GCNT2: variants seen among roughly 807,000 people sequenced by gnomAD.
The protein encoded by GCNT2 is N-acetyllactosaminide beta-1,6-N-acetylglucosaminyl-transferase.
A neutral mutation model predicts 34.2 loss-of-function variants in GCNT2; 34 were observed. That is an observed-to-expected ratio of 1.00 (90% CI 0.76 to 1.32). The LOEUF (loss-of-function observed/expected upper bound fraction) is 1.32. GCNT2 is among the 40% of genes most tolerant of loss of function. The probability of loss-of-function intolerance (pLI) is 0.00; values close to 1 mark genes in which losing one functional copy is unlikely to be tolerated. For synonymous variants in GCNT2, 212 were observed against 188.0 expected, an observed-to-expected ratio of 1.13 and a Z score of -1.04; for missense variants, 584 against 489.4, an observed-to-expected ratio of 1.19 and a Z score of -1.82.
intron 3 of GCNT2, chr6:10,556,669 C>A: frequency 6.2e-7 from 1 of 1,614,188 alleles, no homozygotes; most frequent in Non-Finnish European, 8.5e-7. Context: ...GCCACTACAT[C>A]ACAGCCCCTT....
chr6:10,617,369 CGCAGCCCTG>C (rs1765824192), intron 3 of GCNT2, among the ~76,000 whole-genome samples: 1 of 152,214 alleles, frequency 6.6e-6, no homozygotes, highest in African/African-American at 2.4e-5. Flanking sequence ...AAGCGCTGCG[CGCAGCCCTG>C]GTTCCCGCCG....
chr6:10,551,633 C>T (rs986064505), intron 3 of GCNT2, among the ~76,000 whole-genome samples: 2 of 151,930 alleles, frequency 1.3e-5, no homozygotes, highest in African/African-American at 4.8e-5. Flanking sequence ...TTAGTAGAGA[C>T]AGGGTTTCAC....
At chr6:10,539,126 G>C (rs1467171298) in intron 3 of GCNT2, among the ~76,000 whole-genome samples, 1 of 148,290 alleles carries the variant, frequency 6.7e-6, no homozygotes, top group Non-Finnish European at 1.5e-5. Flanking sequence ...TCACTGGTGG[G>C]GTTTAGAAAC....
chr6:10,534,037 A>G (rs2113539005), intron 3 of GCNT2, among the ~76,000 whole-genome samples: 1 of 150,710 alleles, frequency 6.6e-6, no homozygotes, highest in East Asian at 2.0e-4. Flanking sequence ...TTTATTTGAA[A>G]TTCTTGCCTG....
At chr6:10,615,154 G>A (rs1765707645) in intron 3 of GCNT2, among the ~76,000 whole-genome samples, 2 of 152,044 alleles carry the variant, frequency 1.3e-5, no homozygotes, top group Non-Finnish European at 2.9e-5. Flanking sequence ...GTCAAGGAGG[G>A]GAGGAAAAAA....
At chr6:10,602,490 A>G (rs1765129437) in intron 3 of GCNT2, among the ~76,000 whole-genome samples, 1 of 152,234 alleles carries the variant, frequency 6.6e-6, no homozygotes, top group Admixed American at 6.5e-5. Context: ...TGTAAACAGA[A>G]CTGCCCTGCT....
At chr6:10,544,392 C>T (rs1192508059) in intron 3 of GCNT2, among the ~76,000 whole-genome samples, 1 of 151,742 alleles carries the variant, frequency 6.6e-6, no homozygotes, top group Non-Finnish European at 1.5e-5. Context: ...ATCACGAGGT[C>T]AGGAGTTCAA....
chr6:10,626,412 T>C lies in GCNT2; in HGVS notation c.1019-5T>C, dbSNP rs998864497. On this transcript the variant is annotated splice_polypyrimidine_tract_variant and splice_region_variant and intron_variant, in intron 4 of 4. Transcript: ENST00000495262. ...TGACTCTGTTTCTTGTTCTTTCTTT[T>C]GCAGGCCACTATGTACATGGTATTT... is the stretch of plus-strand genomic sequence containing the variant. The C allele has an allele frequency of 1.9e-6, 3 of 1,606,772 alleles. No homozygotes were observed. Among genetic ancestry groups the C allele is most frequent in the Non-Finnish European group, 1.7e-6 (2 of 1,173,276 alleles).
chr6:10,524,559 G>T (rs1761098163), intron 1 of GCNT2, among the ~76,000 whole-genome samples: 1 of 152,174 alleles, frequency 6.6e-6, no homozygotes, highest in South Asian at 2.1e-4. Flanking sequence ...AAAAGAAATA[G>T]TGATGAGGAT....
At chr6:10,626,031 A>C (rs1032376260) in intron 4 of GCNT2, among the ~76,000 whole-genome samples, 2 of 152,212 alleles carry the variant, frequency 1.3e-5, no homozygotes, top group Non-Finnish European at 2.9e-5. Context: ...GACTTCGGGT[A>C]GCTGAAACCT....
intron 3 of GCNT2, among the ~76,000 whole-genome samples, chr6:10,590,798 C>T (rs9379527): frequency 0.37 from 56,255 of 152,020 alleles, 12,365 homozygotes; most frequent in East Asian, 0.62. Flanking sequence ...ATGATCTGCC[C>T]GCCTCGGCCT....
intron 3 of GCNT2, among the ~76,000 whole-genome samples, chr6:10,577,490 A>C (rs1457733365): frequency 6.6e-6 from 1 of 152,160 alleles, no homozygotes; most frequent in East Asian, 1.9e-4. Flanking sequence ...GGCCAAGTTA[A>C]GGGGCTCGAA....
chr6:10,602,461 G>C (rs550856950), intron 3 of GCNT2, among the ~76,000 whole-genome samples: 1 of 152,316 alleles, frequency 6.6e-6, no homozygotes, highest in African/African-American at 2.4e-5. Flanking sequence ...CCAGGCCTAG[G>C]TTATTTGTAG....
At chr6:10,522,694 A>G (rs1760977317) in intron 1 of GCNT2, among the ~76,000 whole-genome samples, 1 of 152,216 alleles carries the variant, frequency 6.6e-6, no homozygotes, top group Admixed American at 6.5e-5. Context: ...TTGTGGAAGT[A>G]TTCTACCTAT....
intron 3 of GCNT2, among the ~76,000 whole-genome samples, chr6:10,570,214 C>T (rs994267943): frequency 6.6e-6 from 1 of 152,188 alleles, no homozygotes; most frequent in Non-Finnish European, 1.5e-5. Context: ...GGATTACAGG[C>T]ATTAGCCACG....
At chr6:10,538,635 C>T (rs1290679146) in intron 3 of GCNT2, among the ~76,000 whole-genome samples, 1 of 150,998 alleles carries the variant, frequency 6.6e-6, no homozygotes, top group Non-Finnish European at 1.5e-5. Context: ...ATGATTTTGA[C>T]TTTTTTTTGA....
intron 3 of GCNT2, among the ~76,000 whole-genome samples, chr6:10,618,502 C>T (rs937833345): frequency 7.9e-5 from 12 of 152,294 alleles, no homozygotes; most frequent in Admixed American, 7.8e-4. Flanking sequence ...ATGTCTTGTG[C>T]TTTCAAAAAT....
chr6:10,616,445 C>G (rs1185411923), intron 3 of GCNT2, among the ~76,000 whole-genome samples: 1 of 152,198 alleles, frequency 6.6e-6, no homozygotes, highest in Non-Finnish European at 1.5e-5. Flanking sequence ...CTGGCCCCAC[C>G]CACATCCTGC....
intron 3 of GCNT2, among the ~76,000 whole-genome samples, chr6:10,536,636 G>A (rs961634231): frequency 6.6e-6 from 1 of 151,474 alleles, no homozygotes; most frequent in Non-Finnish European, 1.5e-5. Context: ...TTATAGGCGT[G>A]AGCTACCGTG....
Sources: allele counts gnomAD v4.1 joint callset (sites outside exome capture counted in the v4.1 genomes callset), GRCh38; gene constraint gnomAD v4.1.1; transcripts MANE v1.5; gene names NCBI Gene and HGNC (gene_info 2026-07-23, HGNC 2026-07-21).